Variants in IL6R observed in about 807,000 individuals in gnomAD.
The protein encoded by IL6R is interleukin 6 receptor, also known as interleukin-6 receptor subunit alpha.
IL6R carries 38 observed loss-of-function variants against 48.3 expected under a neutral mutation model. The ratio of observed to expected loss-of-function variants is 0.79; its 90% CI spans 0.61 to 1.03. The LOEUF is 1.03. IL6R is among the 50% of genes least tolerant of loss of function. The pLI is 0.00. For synonymous variants in IL6R, 264 were observed against 256.2 expected (o/e 1.03, Z -0.29); for missense variants, 534 against 618.3 (o/e 0.86, Z 1.45).
At chr1:154,443,514 T>G (rs953750208) in intron 6 of IL6R, among the ~76,000 whole-genome samples, 3 of 152,234 alleles carry the variant, frequency 2.0e-5, no homozygotes, top group African/African-American at 7.2e-5. Flanking sequence ...CACCTGCCAC[T>G]TTGTGCAGAG....
chr1:154,457,778 G>A (rs1370106739), intron 9 of IL6R, among the ~76,000 whole-genome samples: 7 of 152,114 alleles, frequency 4.6e-5, no homozygotes, highest in African/African-American at 1.7e-4. Context: ...TGATCTACAA[G>A]TGGAGGAGAC....
At chr1:154,411,801 G>A (rs545388156) in intron 1 of IL6R, among the ~76,000 whole-genome samples, 4 of 152,052 alleles carry the variant, frequency 2.6e-5, no homozygotes, top group Non-Finnish European at 2.9e-5. Context: ...CCAGGAGTTC[G>A]AGGCTGCAGT....
intron 5 of IL6R, 62 bp from the exon 6 acceptor site, chr1:154,435,907 G>C: frequency 6.9e-7 from 1 of 1,450,758 alleles, no homozygotes; most frequent in Admixed American, 2.0e-5. Flanking sequence ...AACCCACTGG[G>C]GTGCTACCTG....
intron 6 of IL6R, among the ~76,000 whole-genome samples, chr1:154,438,684 G>T (rs1013019665): frequency 6.6e-6 from 1 of 152,144 alleles, no homozygotes; most frequent in Non-Finnish European, 1.5e-5. Flanking sequence ...TGGATGGTGT[G>T]GGGTGATGGC....
At chr1:154,437,950 G>A (rs996198622) in intron 6 of IL6R, among the ~76,000 whole-genome samples, 4 of 151,136 alleles carry the variant, frequency 2.6e-5, no homozygotes, top group East Asian at 1.9e-4. Context: ...TCCTGACCTC[G>A]TGATCCACCC....
intron 8 of IL6R, among the ~76,000 whole-genome samples, chr1:154,451,965 G>A (rs1267885336): frequency 1.3e-5 from 2 of 152,228 alleles, no homozygotes; most frequent in Non-Finnish European, 2.9e-5. Flanking sequence ...GCGGGGGATC[G>A]GGCAGGCTTC....
chr1:154,458,900 C>CAA (rs757806352), intron 9 of IL6R, among the ~76,000 whole-genome samples: 22,029 of 123,640 alleles, frequency 0.18, 1,736 homozygotes, highest in Middle Eastern at 0.2. Context: ...GACTCCATCT[C>CAA]AAAAAAAAAA....
At chr1:154,422,835 G>A (rs1251977562) in intron 1 of IL6R, among the ~76,000 whole-genome samples, 1 of 152,230 alleles carries the variant, frequency 6.6e-6, no homozygotes, top group Non-Finnish European at 1.5e-5. Flanking sequence ...GGACCAGGAA[G>A]GACTGCTCTC....
chr1:154,443,532 T>A (rs891982020), intron 6 of IL6R, among the ~76,000 whole-genome samples: 2 of 152,206 alleles, frequency 1.3e-5, no homozygotes, highest in African/African-American at 4.8e-5. Context: ...GAGCACTGGC[T>A]CTGGAGTCAG....
rs1294839441 is a variant in IL6R, at chr1:154,405,428, G to A, written c.-202G>A. The A allele has an allele frequency of 7.4e-6, 4 of 538,826 alleles. No individual in the cohort carries two copies. Among genetic ancestry groups the A allele is most frequent in the Non-Finnish European group, 9.7e-6 (3 of 310,186 alleles). The allele number at this position is 538,826 out of a possible 1,614,324, so 33.4% of individuals were successfully genotyped here. On this transcript the variant is annotated 5_prime_UTR_variant, in exon 1 of 10. Coordinates refer to ENST00000368485, the MANE Select transcript of IL6R (RefSeq NM_000565.4). This position sits in a 1 kb window ranked among gnomAD's most constrained non-coding sequence, Gnocchi z 5.2. ...CGCACTGACACTGAGCCGGGCCAGA[G>A]GGAGAGGAGCCGAGCGCGGCGCGGG...
intron 1 of IL6R, among the ~76,000 whole-genome samples, chr1:154,411,866 T>TCAA (rs894193550): frequency 2.0e-5 from 3 of 151,282 alleles, no homozygotes; most frequent in African/African-American, 7.3e-5. Flanking sequence ...AGACCCTGTC[T>TCAA]CAACAACAAC....
chr1:154,405,590 C>T lies in IL6R; in HGVS notation c.-40C>T. 1 of 1,412,120 alleles carries T rather than the reference C, an allele frequency of 7.1e-7. No individual in the cohort carries two copies. The highest frequency in any genetic ancestry group is 2.6e-4 in the Middle Eastern group (1 of 3,810). The allele number at this position is 1,412,120 out of a possible 1,614,324, so 87.5% of individuals were successfully genotyped here. On this transcript the variant is annotated 5_prime_UTR_variant, in exon 1 of 10. Transcript: ENST00000368485. This position sits in a 1 kb window ranked among gnomAD's most constrained non-coding sequence, Gnocchi z 5.2. Reference sequence around the variant, plus strand: ...GCCGCCCGGTTCCCATTAGCCTGTCCGCCTCTGCGGGACCATGGAGTGGTA... The same window carrying T: ...GCCGCCCGGTTCCCATTAGCCTGTCTGCCTCTGCGGGACCATGGAGTGGTA...
intron 1 of IL6R, among the ~76,000 whole-genome samples, chr1:154,422,434 A>G (rs1255056021): frequency 6.6e-6 from 1 of 152,226 alleles, no homozygotes; most frequent in Non-Finnish European, 1.5e-5. Flanking sequence ...CCTGTATTAC[A>G]GATAGTTTTA....
rs147678204 is a variant in IL6R, at chr1:154,429,349, G to T, written c.239G>T (p.Arg80Met). Residue 80 changes from arginine to methionine, a missense_variant, in exon 2 of 10, where the codon AGG (arginine) becomes ATG (methionine). Physicochemically the swap from Arg to Met is moderately conservative, Grantham distance 91. Transcript: ENST00000368485. ...HPSRWAGMGRRLLLRSVQLHD... is the reference protein window; with the variant it reads ...HPSRWAGMGRMLLLRSVQLHD... ...AGCAGATGGGCTGGCATGGGAAGGAGGCTGCTGCTGAGGTCGGTGCAGCTC... is the reference window on the plus strand; with the variant it reads ...AGCAGATGGGCTGGCATGGGAAGGATGCTGCTGCTGAGGTCGGTGCAGCTC... The T allele has an allele frequency of 3.3e-5, 53 of 1,614,024 alleles. No individual in the cohort carries two copies. The African/African-American group carries it at 5.7e-4, about 17-fold the overall frequency.
chr1:154,420,387 G>T (rs955192876), intron 1 of IL6R, among the ~76,000 whole-genome samples: 4 of 151,936 alleles, frequency 2.6e-5, no homozygotes, highest in African/African-American at 9.7e-5. Flanking sequence ...CAGGGGCGGT[G>T]ACGTGCCCAT....
Position 154,454,556 on chromosome 1 carries a change from C to T in IL6R, c.1135C>T (p.Leu379Phe), listed in dbSNP as rs28730735. 2.3e-3 allele frequency: 3,710 copies of T among 1,613,498 alleles called. 6 individuals are homozygous for T. The highest frequency in any genetic ancestry group is 2.8e-3 in the Non-Finnish European group (3,352 of 1,179,402). The change falls in exon 9 of 10, where the codon CTC becomes TTC. Residue 379 changes from leucine to phenylalanine, a missense_variant. By Grantham distance (22) the Leu-to-Phe change is conservative. Transcript: ENST00000368485. ...TGGAGGGAGCCTGGCCTTCGGAACGCTCCTCTGCATTGCCATTGTTCTGAG... is the reference window on the plus strand; with the variant it reads ...TGGAGGGAGCCTGGCCTTCGGAACGTTCCTCTGCATTGCCATTGTTCTGAG... The part of the protein sequence containing the change: ...VAGGSLAFGT[L>F]LCIAIVLRFK...
At chr1:154,452,336 A>G (rs2149266406) in intron 8 of IL6R, among the ~76,000 whole-genome samples, 1 of 152,122 alleles carries the variant, frequency 6.6e-6, no homozygotes, top group South Asian at 2.1e-4. Context: ...TTGCCTCTCC[A>G]TTCTCCCTTT....
intron 9 of IL6R, among the ~76,000 whole-genome samples, chr1:154,460,449 A>C (rs1691186321): frequency 2.0e-5 from 3 of 152,194 alleles, no homozygotes. Context: ...CTGAGGACAG[A>C]GATTGCTTCC....
intron 8 of IL6R, among the ~76,000 whole-genome samples, chr1:154,452,780 G>A (rs572377637): frequency 9.3e-5 from 14 of 151,130 alleles, no homozygotes; most frequent in African/African-American, 3.2e-4. Flanking sequence ...GCAGTGAGCC[G>A]AGACAGCGCC....
Sources: allele counts gnomAD v4.1 joint callset (sites outside exome capture counted in the v4.1 genomes callset), GRCh38; gene constraint gnomAD v4.1.1; non-coding constraint Gnocchi (gnomAD v3.1); transcripts MANE v1.5; gene names NCBI Gene and HGNC (gene_info 2026-07-23, HGNC 2026-07-21).